The following RAD54B variants were observed in gnomAD, a reference collection of about 807,000 sequenced individuals.
RAD54B encodes RAD54 homolog B, also known as DNA repair and recombination protein RAD54B.
In RAD54B, 78 loss-of-function variants were observed where a neutral mutation model predicts 95.8. The observed-to-expected ratio is 0.81, with a 90% CI of 0.68 to 0.98. The LOEUF is 0.98. Ranked by LOEUF, RAD54B falls within the 50% of genes least tolerant of loss-of-function variation. The pLI, the probability that RAD54B is intolerant of heterozygous loss-of-function variation, is 0.00. For synonymous variants in RAD54B, 328 were observed against 354.9 expected (o/e 0.92, Z 0.85); for missense variants, 957 against 1,056.6 (o/e 0.91, Z 1.31).
intron 3 of RAD54B, among the ~76,000 whole-genome samples, chr8:94,443,839 T>G (rs965175830): frequency 6.6e-6 from 1 of 151,978 alleles, no homozygotes; most frequent in Admixed American, 6.6e-5. Context: ...AACCTCTGAT[T>G]GAGTCACATT....
chr8:94,392,764 A>ATTTTTTTT (rs34856809), intron 9 of RAD54B, among the ~76,000 whole-genome samples: 2 of 72,602 alleles, frequency 2.8e-5, no homozygotes, highest in African/African-American at 5.8e-5. Context: ...CACCTGGCTG[A>ATTTTTTTT]TTTTTTTTTT....
At chr8:94,413,601 A>C (rs2130046001) in intron 3 of RAD54B, among the ~76,000 whole-genome samples, 1 of 152,350 alleles carries the variant, frequency 6.6e-6, no homozygotes, top group Non-Finnish European at 1.5e-5. Context: ...AATCTCTAAT[A>C]GAAAACACAG....
At chr8:94,395,190 CTG>C (rs753015948) in intron 8 of RAD54B, among the ~76,000 whole-genome samples, 3 of 152,118 alleles carry the variant, frequency 2.0e-5, no homozygotes, top group Non-Finnish European at 4.4e-5. Context: ...TTGCAAATGA[CTG>C]ACATACTCAA....
rs116312454 is a variant in RAD54B at position 94,372,264 on chromosome 8, T to C, written c.2639A>G (p.Asp880Gly). ...QLKQWKHFSG[D>G]HLNLTDPFLE... The stretch of plus-strand genomic sequence containing the variant: ...AAAAGGATCTGTAAGATTTAAATGA[T>C]CTCCAGAAAAATGTTTCCATTGCTT... Residue 880 changes from aspartate (D) to glycine (G), a missense_variant, in exon 15 of 15, where the codon GAT (aspartate) becomes GGT (glycine). Asp to Gly is a moderately conservative substitution (Grantham distance 94, BLOSUM62 -1). Coordinates refer to ENST00000336148, the MANE Select transcript of RAD54B (RefSeq NM_012415.3). 4,760 of 1,613,124 alleles carry C rather than the reference T, an allele frequency of 3.0e-3. 19 individuals are homozygous for C. The highest frequency in any genetic ancestry group is 0.016 in the Middle Eastern group (98 of 6,058).
intron 3 of RAD54B, among the ~76,000 whole-genome samples, chr8:94,422,764 A>G (rs1021599654): frequency 4.2e-5 from 6 of 143,104 alleles, no homozygotes; most frequent in Admixed American, 2.1e-4. Context: ...ATATATATAT[A>G]TATATATATA....
chr8:94,374,491 A>G (rs1484387763), intron 14 of RAD54B, among the ~76,000 whole-genome samples: 1 of 152,190 alleles, frequency 6.6e-6, no homozygotes, highest in African/African-American at 2.4e-5. Context: ...GAAACAAAAT[A>G]TTAGACTGGA....
chr8:94,444,314 T>C (rs946332243), intron 3 of RAD54B, among the ~76,000 whole-genome samples: 26 of 151,306 alleles, frequency 1.7e-4, no homozygotes, highest in African/African-American at 5.8e-4. Context: ...TAAAGTGTAA[T>C]GCAAACACAT....
At chr8:94,422,315 A>G (rs539413575) in intron 3 of RAD54B, among the ~76,000 whole-genome samples, 3 of 151,930 alleles carry the variant, frequency 2.0e-5, no homozygotes, top group South Asian at 2.1e-4. Context: ...AGCCGGGTGC[A>G]GTGGTTCACA....
At chr8:94,432,162 C>A (rs765600713) in intron 3 of RAD54B, 8 of 1,549,986 alleles carry the variant, frequency 5.2e-6, no homozygotes, top group Non-Finnish European at 7.0e-6. Flanking sequence ...TAGATCATGC[C>A]GTAAGCGAAT....
chr8:94,443,375 G>C (rs965287941), intron 3 of RAD54B, among the ~76,000 whole-genome samples: 3 of 152,102 alleles, frequency 2.0e-5, no homozygotes, highest in Non-Finnish European at 4.4e-5. Flanking sequence ...TTAATATCTA[G>C]GTGATGGGAT....
rs1250232678 is a variant in RAD54B at position 94,393,770 on chromosome 8, A to C, written c.1491T>G (p.Ile497Met). 6.3e-7 allele frequency: 1 copy of C among 1,585,528 alleles called. No individual in the cohort carries two copies. The highest frequency in any genetic ancestry group is 2.2e-5 in the East Asian group (1 of 44,614). ...CAGAAGCAGAAGGTTCTCTCGATAA[A>C]ATGATGGGTTCTTCATATATTTTCC... ...SYRKIYEEPI[I>M]LSREPSASEE... Residue 497 changes from isoleucine to methionine, a missense_variant, in exon 9 of 15, where the codon ATT becomes ATG. Physicochemically the swap from Ile to Met is conservative, Grantham distance 10. Coordinates refer to ENST00000336148, the MANE Select transcript of RAD54B (RefSeq NM_012415.3).
chr8:94,447,794 T>C (rs879516695), intron 3 of RAD54B, among the ~76,000 whole-genome samples: 2 of 152,200 alleles, frequency 1.3e-5, no homozygotes, highest in Non-Finnish European at 2.9e-5. Context: ...CTGGGATCCA[T>C]CATTTAACAT....
At chr8:94,442,755 G>T (rs1490779468) in intron 3 of RAD54B, among the ~76,000 whole-genome samples, 1 of 151,984 alleles carries the variant, frequency 6.6e-6, no homozygotes, top group East Asian at 1.9e-4. Flanking sequence ...TCTTGTAAAA[G>T]AAAATAAAAT....
chr8:94,453,303 C>A (rs758395262), intron 3 of RAD54B, among the ~76,000 whole-genome samples: 2 of 152,000 alleles, frequency 1.3e-5, no homozygotes, highest in African/African-American at 4.8e-5. Flanking sequence ...CTGAGGTGGG[C>A]GGATCACTTG....
intron 3 of RAD54B, among the ~76,000 whole-genome samples, chr8:94,444,189 T>C (rs1812465488): frequency 6.6e-6 from 1 of 152,130 alleles, no homozygotes; most frequent in Admixed American, 6.5e-5. Context: ...GTTTTCCTCA[T>C]TCAATTGGCA....
At chr8:94,429,592 T>C (rs1226289905) in intron 3 of RAD54B, 1 of 983,160 alleles carries the variant, frequency 1.0e-6, no homozygotes, top group Non-Finnish European at 1.2e-6. Context: ...AAATAAAGCT[T>C]ACTACTGCCA....
intron 3 of RAD54B, among the ~76,000 whole-genome samples, chr8:94,412,224 G>A (rs1268187855): frequency 2.0e-5 from 3 of 152,166 alleles, no homozygotes; most frequent in Non-Finnish European, 4.4e-5. Flanking sequence ...TAAAGGCTGA[G>A]TAGTGTTCTA....
intron 3 of RAD54B, among the ~76,000 whole-genome samples, chr8:94,450,634 A>G (rs1257594275): frequency 2.0e-5 from 3 of 152,162 alleles, no homozygotes; most frequent in Non-Finnish European, 2.9e-5. Context: ...TAATCCCACA[A>G]TTTGGGAGGC....
intron 1 of RAD54B, among the ~76,000 whole-genome samples, chr8:94,469,505 A>C (rs1471016051): frequency 1.3e-5 from 2 of 152,248 alleles, no homozygotes; most frequent in African/African-American, 4.8e-5. Flanking sequence ...TAGCAGTGTG[A>C]GAACAGACTA....
Sources: gnomAD v4.1 joint callset for allele counts (sites outside exome capture counted in the v4.1 genomes callset) on GRCh38, gnomAD v4.1.1 for gene constraint, MANE v1.5 for transcripts, NCBI Gene and HGNC (gene_info 2026-07-23, HGNC 2026-07-21) for gene names.